The following DHX37 variants were observed in gnomAD, a reference collection of about 807,000 sequenced individuals.
DHX37 encodes probable ATP-dependent RNA helicase DHX37.
A neutral mutation model predicts 134.3 loss-of-function variants in DHX37; 52 were observed. That is an observed-to-expected ratio of 0.39 (90% confidence interval 0.31 to 0.49). The LOEUF (loss-of-function observed/expected upper bound fraction) is 0.49. Among genes scored for constraint, DHX37 ranks in the 20% least tolerant of loss-of-function variants. The probability of loss-of-function intolerance (pLI) is 0.93; values close to 1 mark genes in which losing one functional copy is unlikely to be tolerated. For synonymous variants in DHX37, 634 were observed against 670.7 expected (o/e 0.95, Z 0.85); for missense variants, 1,344 against 1,580.8 (o/e 0.85, Z 2.54).
rs147738314 is a variant in DHX37 at position 124,980,179 on chromosome 12, C to T, written c.738+311G>A. 1.2e-3 allele frequency among the ~76,000 whole-genome samples: 189 copies of T among 152,370 alleles called. No homozygotes were observed. The highest frequency in any genetic ancestry group is 6.8e-3 in the Middle Eastern group (2 of 294). On this transcript the variant is annotated intron_variant, in intron 4 of 26. Transcript: ENST00000308736. The surrounding 1 kb of genome is among the most constrained non-coding windows in gnomAD (Gnocchi z 5.3). Reference sequence around the variant, plus strand: ...CGGGTCAACTGATTCACAGCCCAAACTCTTGTCTGGATCGGGGCAGCCCAG... The same window carrying T: ...CGGGTCAACTGATTCACAGCCCAAATTCTTGTCTGGATCGGGGCAGCCCAG...
chr12:124,974,502 G>GC (rs1433641430), intron 6 of DHX37, among the ~76,000 whole-genome samples: 1 of 148,896 alleles, frequency 6.7e-6, no homozygotes, highest in Non-Finnish European at 1.5e-5. Flanking sequence ...GCTGACCCGG[G>GC]GGCCGGTGGC....
chr12:124,958,372 G>A (rs905718105), intron 16 of DHX37, among the ~76,000 whole-genome samples: 3 of 152,188 alleles, frequency 2.0e-5, no homozygotes, highest in South Asian at 2.1e-4. Flanking sequence ...AAGCCACTGC[G>A]GAGTTTCTAC....
rs980579620 is a variant in DHX37, at chr12:124,965,658, C to T, written c.1735+10G>A. On this transcript the variant is annotated intron_variant, in intron 13 of 26. Coordinates refer to ENST00000308736, the MANE Select transcript of DHX37 (RefSeq NM_032656.4). ...ATGAACATGAGCAGGAATCGGTGCT[C>T]GGGCCACACCTCCATCTTGCCCGCC... The T allele has an allele frequency of 5.6e-6, 9 of 1,595,606 alleles. No homozygotes were observed. The highest frequency in any genetic ancestry group is 2.7e-5 in the African/African-American group (2 of 74,662).
At chr12:124,988,800 C>G in intron 1 of DHX37, 117 bp downstream of exon 1, 1 of 509,826 alleles carries the variant, frequency 2.0e-6, no homozygotes, top group Non-Finnish European at 3.2e-6. Context: ...GACCCATTCC[C>G]CCATTCCAGA....
At position 124,986,190 on chromosome 12, in the gene DHX37, G is replaced by A. The variant is rs187998730; in HGVS notation, c.182C>T (p.Ala61Val). ...CTTCTCCTTCTTCGACAGGGGAGGGGCTTTGGTCTTCTTTTTCTTCTTCCC... is the reference window on the plus strand; with the variant it reads ...CTTCTCCTTCTTCGACAGGGGAGGGACTTTGGTCTTCTTTTTCTTCTTCCC... ...LPGKKKKKTK[A>V]PPLSKKEKKP... Residue 61 changes from alanine to valine, a missense_variant, in exon 2 of 27, where the codon GCC (alanine) becomes GTC (valine). Physicochemically the swap from Ala to Val is moderately conservative, Grantham distance 64. This residue lies in a region of DHX37 where 319 missense variants were observed against 296.1 expected (regional missense o/e 1.08). Transcript: ENST00000308736. The A allele has an allele frequency of 1.8e-4, 295 of 1,614,144 alleles. 1 individual carries two copies. In the East Asian group the frequency reaches 4.9e-3, roughly 27 times the overall value.
rs2135934122 is a variant in DHX37, at chr12:124,956,630, C to T, written c.2453+61G>A. 3.4e-6 allele frequency: 5 copies of T among 1,467,508 alleles called. No homozygotes were observed. The South Asian group carries it at 5.6e-5, about 17-fold the overall frequency. The allele number at this position is 1,467,508 out of a possible 1,614,324, so 90.9% of individuals were successfully genotyped here. ...CAGCCTCCTGAGTAGCTGGGACTCTCAGCCCAGAGCCCCCGTCGGAACTGA... is the reference window on the plus strand; with the variant it reads ...CAGCCTCCTGAGTAGCTGGGACTCTTAGCCCAGAGCCCCCGTCGGAACTGA... On this transcript the variant is annotated intron_variant, in intron 18 of 26. Transcript: ENST00000308736.
chr12:124,975,280 T>C (rs1166924148), intron 6 of DHX37, 139 bp downstream of exon 6: 1 of 841,290 alleles, frequency 1.2e-6, no homozygotes, highest in Non-Finnish European at 1.9e-6. Context: ...CACACAATGA[T>C]TCCCAGTGCT....
chr12:124,966,645 T>A, intron 12 of DHX37, 148 bp downstream of exon 12: 1 of 801,616 alleles, frequency 1.2e-6, no homozygotes, highest in Non-Finnish European at 2.0e-6. Flanking sequence ...ATTACAGGCA[T>A]GAGCCACTGT....
At position 124,978,538 on chromosome 12, in the gene DHX37, A is replaced by C. The variant is rs1368274403; in HGVS notation, c.739-1048T>G. On this transcript the variant is annotated intron_variant, in intron 4 of 26. Transcript: ENST00000308736. ...TCACCACGTTGGCCAGGCTGGTGTC[A>C]AACTCCTGACCTCAGGTGATCCACC... Among the ~76,000 whole-genome samples, 11 of 145,488 alleles carry C rather than the reference A, an allele frequency of 7.6e-5. No homozygotes were observed. The East Asian group carries it at 2.4e-3, about 31-fold the overall frequency.
intron 5 of DHX37, among the ~76,000 whole-genome samples, chr12:124,976,372 CAA>C (rs1954639670): frequency 6.6e-6 from 1 of 152,242 alleles, no homozygotes; most frequent in Non-Finnish European, 1.5e-5. Context: ...TTGGGGACCC[CAA>C]CACACATGGG....
At chr12:124,972,680 G>A (rs1373528275) in intron 6 of DHX37, 81 bp from the exon 7 acceptor site, 3 of 1,431,290 alleles carry the variant, frequency 2.1e-6, no homozygotes, top group Non-Finnish European at 2.9e-6. Flanking sequence ...GGCAGGCCGT[G>A]GAGCAGGCAG....
intron 20 of DHX37, 32 bp downstream of exon 20, chr12:124,953,848 G>A (rs376369119): frequency 9.4e-6 from 15 of 1,602,614 alleles, no homozygotes; most frequent in East Asian, 4.5e-5. Context: ...GTTGCCCGCC[G>A]GGTGCAGCGG....
At chr12:124,984,350 T>C (rs1392138157) in intron 2 of DHX37, among the ~76,000 whole-genome samples, 1 of 152,104 alleles carries the variant, frequency 6.6e-6, no homozygotes, top group South Asian at 2.1e-4. Context: ...CTGACCAACA[T>C]GGAGAAACCC....
At chr12:124,978,976 GA>G (rs1954702124) in intron 4 of DHX37, among the ~76,000 whole-genome samples, 1 of 151,290 alleles carries the variant, frequency 6.6e-6, no homozygotes, top group Non-Finnish European at 1.5e-5. Flanking sequence ...ATGACCCAAA[GA>G]TGGCTATCAC....
intron 8 of DHX37, 29 bp downstream of exon 8, chr12:124,971,273 G>A: frequency 1.2e-6 from 2 of 1,605,072 alleles, no homozygotes; most frequent in Non-Finnish European, 1.7e-6. Context: ...TAGGGCTCGG[G>A]GCTCCCCAGC....
At chr12:124,979,794 G>A (rs996624471) in intron 4 of DHX37, among the ~76,000 whole-genome samples, 2 of 152,236 alleles carry the variant, frequency 1.3e-5, no homozygotes, top group African/African-American at 2.4e-5. Flanking sequence ...GGCACTGGGT[G>A]ATGACATCAC....
At chr12:124,953,216 A>G (rs1954009109) in intron 20 of DHX37, 1 of 152,858 alleles carries the variant, frequency 6.5e-6, no homozygotes, top group African/African-American at 2.4e-5. Flanking sequence ...CTGGAAAGCC[A>G]CAGCCAGAAG....
intron 9 of DHX37, 57 bp from the exon 10 acceptor site, chr12:124,968,705 G>A: frequency 6.2e-7 from 1 of 1,612,166 alleles, no homozygotes; most frequent in Non-Finnish European, 8.5e-7. Flanking sequence ...TCGGCCCAGG[G>A]CTGCCTTCCC....
intron 18 of DHX37, among the ~76,000 whole-genome samples, chr12:124,954,928 G>T (rs1389256269): frequency 6.6e-6 from 1 of 152,168 alleles, no homozygotes; most frequent in Non-Finnish European, 1.5e-5. Flanking sequence ...TGGAGAAAAT[G>T]AAGCTCAGAG....
Sources: gnomAD v4.1 joint callset for allele counts (sites outside exome capture counted in the v4.1 genomes callset) on GRCh38, gnomAD v4.1.1 for gene constraint, gnomAD v4.1.1 regional missense constraint, Gnocchi (gnomAD v3.1) non-coding constraint, MANE v1.5 for transcripts, NCBI Gene and HGNC (gene_info 2026-07-23, HGNC 2026-07-21) for gene names.